Variants in ARSB observed in about 807,000 individuals in gnomAD.
ARSB encodes the protein arylsulfatase B.
ARSB carries 41 observed loss-of-function variants against 50.9 expected under a neutral mutation model. The ratio of observed to expected loss-of-function variants is 0.81; its 90% CI spans 0.63 to 1.04. ARSB has a LOEUF of 1.04. Among genes scored for constraint, ARSB ranks in the 50% least tolerant of loss-of-function variants. The pLI, the probability that ARSB is intolerant of heterozygous loss-of-function variation, is 0.00. For synonymous variants in ARSB, 269 were observed against 284.8 expected (o/e 0.94, Z 0.56); for missense variants, 672 against 693.3 (o/e 0.97, Z 0.35).
chr5:78,837,519 G>A (rs554359717), intron 6 of ARSB, among the ~76,000 whole-genome samples: 2 of 152,230 alleles, frequency 1.3e-5, no homozygotes, highest in South Asian at 4.2e-4. Flanking sequence ...TCTAGAAGGG[G>A]TTTTTAGGCC....
chr5:78,890,734 T>C (rs1748253990), intron 4 of ARSB, among the ~76,000 whole-genome samples: 1 of 152,214 alleles, frequency 6.6e-6, no homozygotes, highest in South Asian at 2.1e-4. Context: ...TTTTTGGGTA[T>C]CAACTCCTGT....
intron 2 of ARSB, among the ~76,000 whole-genome samples, chr5:78,965,103 T>C (rs1752151143): frequency 1.3e-5 from 2 of 152,142 alleles, no homozygotes; most frequent in Admixed American, 1.3e-4. Flanking sequence ...TGACACCCAC[T>C]GGTGAAAGAT....
chr5:78,968,537 G>A (rs1752308862), intron 2 of ARSB, among the ~76,000 whole-genome samples: 1 of 151,870 alleles, frequency 6.6e-6, no homozygotes, highest in Non-Finnish European at 1.5e-5. Context: ...TTTTAGTAGA[G>A]ACAGAGTTTC....
intron 5 of ARSB, chr5:78,885,240 T>C: frequency 2.8e-6 from 1 of 357,742 alleles, no homozygotes; most frequent in East Asian, 4.3e-5. Context: ...TTGTCCTCCA[T>C]TCTTCCAGCA....
At chr5:78,854,810 C>T (rs1746056423) in intron 5 of ARSB, among the ~76,000 whole-genome samples, 1 of 152,110 alleles carries the variant, frequency 6.6e-6, no homozygotes, top group Non-Finnish European at 1.5e-5. Context: ...GGGAGACTTT[C>T]TTTCTCTCTC....
In ARSB at chr5:78,970,047, G is replaced by A. The variant is rs143840943; in HGVS notation, c.313-855C>T. 3.5e-3 allele frequency among the ~76,000 whole-genome samples: 526 copies of A among 152,236 alleles called. 4 individuals are homozygous for A. Among genetic ancestry groups the A allele is most frequent in the Non-Finnish European group, 6.0e-3 (405 of 68,028 alleles). On this transcript the variant is annotated intron_variant, in intron 1 of 7. Transcript: ENST00000264914. ...GCCATCTGACTGCTGCTTGGGAGTGGCTCACACAAGTATGCCCAGGGCATA... is the reference window on the plus strand; with the variant it reads ...GCCATCTGACTGCTGCTTGGGAGTGACTCACACAAGTATGCCCAGGGCATA...
chr5:78,784,483 T>G (rs1387524209), intron 6 of ARSB, among the ~76,000 whole-genome samples: 1 of 152,230 alleles, frequency 6.6e-6, no homozygotes, highest in Non-Finnish European at 1.5e-5. Context: ...GGAATACTAT[T>G]CATCCACAAA....
chr5:78,780,766 G>C, intron 7 of ARSB, 104 bp from the exon 8 acceptor site: 1 of 1,409,268 alleles, frequency 7.1e-7, no homozygotes, highest in Non-Finnish European at 9.8e-7. Flanking sequence ...TGTGGGTGTG[G>C]AAACATAAAA....
At chr5:78,871,549 A>C (rs1405056967) in intron 5 of ARSB, among the ~76,000 whole-genome samples, 1 of 149,720 alleles carries the variant, frequency 6.7e-6, no homozygotes, top group Admixed American at 6.7e-5. Context: ...AAACCTGAGA[A>C]AAACAAGCTA....
intron 2 of ARSB, among the ~76,000 whole-genome samples, chr5:78,965,478 T>A (rs1580137414): frequency 6.6e-6 from 1 of 152,026 alleles, no homozygotes; most frequent in East Asian, 1.9e-4. Context: ...TAGGGGGAAA[T>A]GGGGAGTGAT....
chr5:78,857,381 A>G (rs1462693050), intron 5 of ARSB, among the ~76,000 whole-genome samples: 1 of 152,066 alleles, frequency 6.6e-6, no homozygotes, highest in Non-Finnish European at 1.5e-5. Flanking sequence ...TATTTTCCTT[A>G]TTTTTTGGTT....
intron 5 of ARSB, among the ~76,000 whole-genome samples, chr5:78,847,934 T>G (rs13155497): frequency 0.23 from 35,071 of 152,034 alleles, 4,837 homozygotes; most frequent in Admixed American, 0.31. Flanking sequence ...GTGATTTTAT[T>G]TGGACCATTT....
chr5:78,885,979 C>T (rs1446530178), intron 4 of ARSB, 152 bp from the exon 5 acceptor site: 2 of 1,245,210 alleles, frequency 1.6e-6, no homozygotes, highest in Non-Finnish European at 1.1e-6. Flanking sequence ...TCCCTTTTCC[C>T]ATTGACATAG....
chr5:78,823,641 TG>T (rs1446643478), intron 6 of ARSB, among the ~76,000 whole-genome samples: 1 of 152,216 alleles, frequency 6.6e-6, no homozygotes, highest in Non-Finnish European at 1.5e-5. Context: ...TTTAGAAGCT[TG>T]GGTTTTCTTT....
At chr5:78,933,889 T>C (rs1561510320) in intron 4 of ARSB, among the ~76,000 whole-genome samples, 1 of 151,934 alleles carries the variant, frequency 6.6e-6, no homozygotes, top group Non-Finnish European at 1.5e-5. Flanking sequence ...CTCTAAAAGT[T>C]AAAGAAGGAA....
rs530929815 is a variant in ARSB at position 78,962,264 on chromosome 5, T to C, written c.690+2152A>G. ...CTTGTTAAGTGTTAAGGTGCATCCA[T>C]AAAATGTCAAATATGTAGAAGAAAA... On this transcript the variant is annotated intron_variant, in intron 3 of 7. Coordinates refer to ENST00000264914, the MANE Select transcript of ARSB (RefSeq NM_000046.5). Among the ~76,000 whole-genome samples the C allele has an allele frequency of 2.3e-4, 35 of 152,348 alleles. No individual in the cohort carries two copies. The South Asian group carries it at 5.2e-3, about 23-fold the overall frequency.
chr5:78,792,595 C>A (rs1387049386), intron 6 of ARSB, among the ~76,000 whole-genome samples: 1 of 152,052 alleles, frequency 6.6e-6, no homozygotes, highest in Non-Finnish European at 1.5e-5. Flanking sequence ...TCCTTGTATG[C>A]AAAAATGAGA....
chr5:78,898,551 A>G (rs183377435), intron 4 of ARSB, among the ~76,000 whole-genome samples: 72 of 152,340 alleles, frequency 4.7e-4, no homozygotes, highest in Admixed American at 8.5e-4. Context: ...ATAAAAAAAC[A>G]TACATTAGTT....
In ARSB at chr5:78,952,911, T is replaced by C. The variant is rs528895060; in HGVS notation, c.898+2384A>G. 2.0e-5 allele frequency among the ~76,000 whole-genome samples: 3 copies of C among 152,328 alleles called. No individual in the cohort carries two copies. The East Asian group carries it at 5.8e-4, about 29-fold the overall frequency. On this transcript the variant is annotated intron_variant, in intron 4 of 7. Transcript: ENST00000264914. ...ATAATTTTGCTACACCAGTGTTACATGTCCTAGCATCTTTTTTTTAATTGA... is the reference window on the plus strand; with the variant it reads ...ATAATTTTGCTACACCAGTGTTACACGTCCTAGCATCTTTTTTTTAATTGA...
Sources: allele counts gnomAD v4.1 joint callset (sites outside exome capture counted in the v4.1 genomes callset), GRCh38; gene constraint gnomAD v4.1.1; transcripts MANE v1.5; gene names NCBI Gene and HGNC (gene_info 2026-07-23, HGNC 2026-07-21).